Variants in KDM4C observed in about 807,000 individuals in gnomAD.
KDM4C encodes lysine-specific demethylase 4C.
Under a neutral mutation model 129.3 loss-of-function variants are expected in KDM4C, and 81 were observed. That is an observed-to-expected ratio of 0.63 (90% CI 0.52 to 0.75). The LOEUF (loss-of-function observed/expected upper bound fraction) is 0.75, where lower values mean the gene tolerates loss of function less well. KDM4C is among the 30% of genes least tolerant of loss of function. The probability of loss-of-function intolerance (pLI) is 0.00; values close to 1 mark genes in which losing one functional copy is unlikely to be tolerated. For synonymous variants in KDM4C, 573 were observed against 456.1 expected, an observed-to-expected ratio of 1.26 and a Z score of -3.26; for missense variants, 1,457 against 1,304.0, an observed-to-expected ratio of 1.12 and a Z score of -1.81.
At chr9:6,867,464 T>C (rs928129847) in intron 5 of KDM4C, among the ~76,000 whole-genome samples, 5 of 152,364 alleles carry the variant, frequency 3.3e-5, no homozygotes, top group South Asian at 2.1e-4. Flanking sequence ...AAGATTCCTA[T>C]ATAAGGTAAG....
chr9:6,966,827 T>C (rs1402667443), intron 8 of KDM4C, among the ~76,000 whole-genome samples: 2 of 152,166 alleles, frequency 1.3e-5, no homozygotes, highest in East Asian at 1.9e-4. Flanking sequence ...AAAATTAATA[T>C]AGGAAGCTAT....
At chr9:6,749,002 A>T (rs1292095971) in intron 1 of KDM4C, 2 of 767,460 alleles carry the variant, frequency 2.6e-6, no homozygotes, top group Admixed American at 3.6e-5. Flanking sequence ...CACAAAGAGC[A>T]CACTTGCAAG....
intron 1 of KDM4C, chr9:6,721,046 G>T: frequency 6.8e-7 from 1 of 1,472,356 alleles, no homozygotes; most frequent in Non-Finnish European, 9.3e-7. Context: ...CATAGTTGGT[G>T]GTTCTGTCAC....
At chr9:6,924,654 A>G (rs1236293203) in intron 8 of KDM4C, 2 of 568,612 alleles carry the variant, frequency 3.5e-6, no homozygotes, top group African/African-American at 2.0e-5. Flanking sequence ...TGATTATTCC[A>G]ACGTTGAATG....
chr9:7,062,054 G>A (rs967623900), intron 17 of KDM4C, among the ~76,000 whole-genome samples: 2 of 151,234 alleles, frequency 1.3e-5, no homozygotes, highest in African/African-American at 4.9e-5. Flanking sequence ...TGCAAGCTCC[G>A]CCTCCCAGGT....
chr9:6,738,763 T>A (rs1046271363), intron 1 of KDM4C, among the ~76,000 whole-genome samples: 1 of 150,146 alleles, frequency 6.7e-6, no homozygotes, highest in Non-Finnish European at 1.5e-5. Flanking sequence ...TTTTCTTTTC[T>A]TTTCATTTTT....
intron 8 of KDM4C, among the ~76,000 whole-genome samples, chr9:6,911,397 G>A (rs891963338): frequency 6.6e-6 from 1 of 152,162 alleles, no homozygotes; most frequent in Non-Finnish European, 1.5e-5. Context: ...TAATTCTTCA[G>A]TGTGCGTAAT....
intron 5 of KDM4C, among the ~76,000 whole-genome samples, chr9:6,855,542 G>A (rs1344430422): frequency 6.7e-6 from 1 of 148,152 alleles, no homozygotes; most frequent in Non-Finnish European, 1.5e-5. Flanking sequence ...GGATAAACCA[G>A]AGGCATGGCT....
At chr9:6,788,461 C>G (rs1484668282) in intron 1 of KDM4C, among the ~76,000 whole-genome samples, 1 of 152,222 alleles carries the variant, frequency 6.6e-6, no homozygotes, top group Non-Finnish European at 1.5e-5. Flanking sequence ...CCTGTTCTCA[C>G]TGCCCAGATT....
rs567181208 is a variant in KDM4C, at chr9:7,027,875, C to T, written c.2259+11946C>T. ...GAGCCTCAGCCCATGACCGCCACTA[C>T]TACAGGCTCATGGAGAATACTGCTG... On this transcript the variant is annotated intron_variant, in intron 15 of 21. Transcript: ENST00000381309. 1.2e-4 allele frequency among the ~76,000 whole-genome samples: 18 copies of T among 152,338 alleles called. No homozygotes were observed. In the East Asian group the frequency reaches 3.5e-3, roughly 29 times the overall value.
At chr9:7,092,839 AACTG>A (rs1835961677) in intron 17 of KDM4C, among the ~76,000 whole-genome samples, 1 of 152,166 alleles carries the variant, frequency 6.6e-6, no homozygotes, top group South Asian at 2.1e-4. Context: ...CTGCTTGGGT[AACTG>A]ACTGTTCTGT....
intron 17 of KDM4C, among the ~76,000 whole-genome samples, chr9:7,059,405 C>A (rs185216090): frequency 6.6e-6 from 1 of 152,238 alleles, no homozygotes; most frequent in Admixed American, 6.5e-5. Context: ...GCCTAGCCCT[C>A]GAGAGTATTT....
In KDM4C at chr9:7,128,113, C is replaced by G; in HGVS notation, c.2658C>G (p.Ile886Met). 6.2e-7 allele frequency: 1 copy of G among 1,610,732 alleles called. No individual in the cohort carries two copies. The highest frequency in any genetic ancestry group is 8.5e-7 in the Non-Finnish European group (1 of 1,178,718). Residue 886 changes from isoleucine to methionine, a missense_variant, in exon 19 of 22, where the codon ATC becomes ATG. Coordinates refer to ENST00000381309, the MANE Select transcript of KDM4C (RefSeq NM_015061.6). ...TCATTTCCGTGGGTCAAACGGTCAT[C>G]ACGAAGCATCGGAACACCCGGTATT... ...EKVISVGQTV[I>M]TKHRNTRYYS...
chr9:7,037,421 G>A (rs1024223988), intron 15 of KDM4C, among the ~76,000 whole-genome samples: 13 of 152,172 alleles, frequency 8.5e-5, no homozygotes, highest in Non-Finnish European at 1.8e-4. Context: ...ATGAACAACT[G>A]TGACAGCCAT....
intron 18 of KDM4C, among the ~76,000 whole-genome samples, chr9:7,125,017 C>T (rs1267755711): frequency 6.6e-6 from 1 of 152,170 alleles, no homozygotes; most frequent in African/African-American, 2.4e-5. Flanking sequence ...GCCATACAGA[C>T]CTGGATCACC....
intron 8 of KDM4C, among the ~76,000 whole-genome samples, chr9:6,953,132 G>A (rs1406955209): frequency 1.3e-5 from 2 of 152,196 alleles, no homozygotes; most frequent in African/African-American, 4.8e-5. Flanking sequence ...AATAGCTGGA[G>A]TAGGCAGTAG....
At chr9:7,053,453 T>C (rs1830481483) in intron 17 of KDM4C, among the ~76,000 whole-genome samples, 1 of 152,198 alleles carries the variant, frequency 6.6e-6, no homozygotes. Context: ...TGCTCTTCTG[T>C]GGATTTATTG....
chr9:7,014,305 G>T, intron 14 of KDM4C: 1 of 249,452 alleles, frequency 4.0e-6, no homozygotes, highest in Middle Eastern at 1.3e-3. Context: ...CTTACTTTAA[G>T]ATCTAGTTTA....
intron 12 of KDM4C, among the ~76,000 whole-genome samples, chr9:6,994,708 T>C (rs943063773): frequency 2.6e-5 from 4 of 152,216 alleles, no homozygotes; most frequent in African/African-American, 9.6e-5. Flanking sequence ...TACTGTCATA[T>C]TAAAAGAAAA....
Sources: allele counts gnomAD v4.1 joint callset (sites outside exome capture counted in the v4.1 genomes callset), GRCh38; gene constraint gnomAD v4.1.1; transcripts MANE v1.5; gene names NCBI Gene and HGNC (gene_info 2026-07-23, HGNC 2026-07-21).